ATRNL1: variants seen among roughly 807,000 people sequenced by gnomAD.
ATRNL1 encodes the protein attractin-like protein 1.
Under a neutral mutation model 182.7 loss-of-function variants are expected in ATRNL1, and 95 were observed. That is an observed-to-expected ratio of 0.52 (90% CI 0.44 to 0.62). The LOEUF (loss-of-function observed/expected upper bound fraction) is 0.62. Among genes scored for constraint, ATRNL1 ranks in the 20% least tolerant of loss-of-function variants. The pLI is 0.00. For synonymous variants in ATRNL1, 576 were observed against 568.3 expected, an observed-to-expected ratio of 1.01 and a Z score of -0.19; for missense variants, 1,471 against 1,679.5, an observed-to-expected ratio of 0.88 and a Z score of 2.17.
chr10:115,531,768 C>A (rs569594993), intron 25 of ATRNL1, among the ~76,000 whole-genome samples: 2 of 148,592 alleles, frequency 1.3e-5, no homozygotes, highest in Non-Finnish European at 3.0e-5. Flanking sequence ...TTAGGTCTAA[C>A]GTTTAAGTCT....
At chr10:115,512,269 G>A (rs572530789) in intron 24 of ATRNL1, among the ~76,000 whole-genome samples, 15 of 151,842 alleles carry the variant, frequency 9.9e-5, no homozygotes, top group Admixed American at 5.9e-4. Flanking sequence ...TATTGTTGCC[G>A]TTATTGTCTC....
chr10:115,752,792 A>T (rs1555070939), intron 27 of ATRNL1, among the ~76,000 whole-genome samples: 2 of 152,116 alleles, frequency 1.3e-5, no homozygotes, highest in Admixed American at 1.3e-4. Flanking sequence ...TTTTGTACTT[A>T]TACTGTCCAG....
intron 18 of ATRNL1, among the ~76,000 whole-genome samples, chr10:115,326,785 C>T (rs1458108953): frequency 3.9e-5 from 6 of 152,110 alleles, no homozygotes; most frequent in Non-Finnish European, 5.9e-5. Context: ...CGCTGCACAT[C>T]TACAACTATC....
At chr10:115,299,071 G>A (rs1554923587) in intron 15 of ATRNL1, among the ~76,000 whole-genome samples, 1 of 151,372 alleles carries the variant, frequency 6.6e-6, no homozygotes, top group Non-Finnish European at 1.5e-5. Flanking sequence ...CTCTATCCTG[G>A]TACTCCATAA....
chr10:115,305,124 T>A (rs1241265186), intron 17 of ATRNL1, among the ~76,000 whole-genome samples: 1 of 151,902 alleles, frequency 6.6e-6, no homozygotes, highest in South Asian at 2.1e-4. Context: ...TACTAGTCCT[T>A]CTTGCTCAGA....
intron 26 of ATRNL1, among the ~76,000 whole-genome samples, chr10:115,653,800 C>G (rs1593013935): frequency 6.6e-6 from 1 of 152,170 alleles, no homozygotes; most frequent in Admixed American, 6.6e-5. Flanking sequence ...CAAAACAATC[C>G]TGCACAGTGC....
intron 27 of ATRNL1, among the ~76,000 whole-genome samples, chr10:115,824,408 A>C (rs1950377015): frequency 6.6e-6 from 1 of 152,236 alleles, no homozygotes; most frequent in East Asian, 1.9e-4. Context: ...CAATGGCAAC[A>C]AAAACCAAAA....
chr10:115,540,588 C>T (rs926571079), intron 25 of ATRNL1, among the ~76,000 whole-genome samples: 13 of 151,830 alleles, frequency 8.6e-5, no homozygotes, highest in Non-Finnish European at 1.3e-4. Context: ...AGTGAAACCC[C>T]ATCTCTACTA....
chr10:115,354,211 G>T (rs1473745580), intron 19 of ATRNL1, among the ~76,000 whole-genome samples: 1 of 152,068 alleles, frequency 6.6e-6, no homozygotes, highest in Non-Finnish European at 1.5e-5. Context: ...TTCTTCTAAT[G>T]TTGGACTCTT....
intron 1 of ATRNL1, among the ~76,000 whole-genome samples, chr10:115,107,606 C>G (rs1210225506): frequency 2.6e-5 from 4 of 152,192 alleles, no homozygotes; most frequent in Non-Finnish European, 5.9e-5. Context: ...GTCTCAGAGG[C>G]AGCCCTGCTC....
At chr10:115,657,688 C>T (rs190162603) in intron 26 of ATRNL1, among the ~76,000 whole-genome samples, 157 of 152,162 alleles carry the variant, frequency 1.0e-3, no homozygotes, top group Non-Finnish European at 1.9e-3. Flanking sequence ...CAGCTGTTTC[C>T]CCATTCATTG....
chr10:115,432,358 G>A (rs968818409), intron 21 of ATRNL1, among the ~76,000 whole-genome samples: 9 of 152,188 alleles, frequency 5.9e-5, no homozygotes, highest in African/African-American at 1.7e-4. Flanking sequence ...GGATCCCTGC[G>A]TTCTTTTAGA....
intron 13 of ATRNL1, among the ~76,000 whole-genome samples, chr10:115,275,618 C>G (rs987298148): frequency 1.3e-5 from 2 of 152,128 alleles, no homozygotes; most frequent in African/African-American, 2.4e-5. Flanking sequence ...ATTCCTGTTG[C>G]ATTTATGTTT....
rs191547458 is a variant in ATRNL1 at position 115,675,685 on chromosome 10, G to A, written c.3796-51563G>A. 1.3e-3 allele frequency among the ~76,000 whole-genome samples: 202 copies of A among 152,024 alleles called. 1 individual carries two copies. The highest frequency in any genetic ancestry group is 4.6e-3 in the African/African-American group (191 of 41,504). ...GCAAAAGGCCATAGGACTTCTACTC[G>A]GGTACCCACTGTGGTTACATACCTG... On this transcript the variant is annotated intron_variant, in intron 26 of 28. Coordinates refer to ENST00000355044, the MANE Select transcript of ATRNL1 (RefSeq NM_207303.4).
At chr10:115,587,962 A>G (rs1555010787) in intron 26 of ATRNL1, among the ~76,000 whole-genome samples, 1 of 152,194 alleles carries the variant, frequency 6.6e-6, no homozygotes, top group Non-Finnish European at 1.5e-5. Context: ...AAAAGGAGAA[A>G]GAAATAAGAA....
chr10:115,854,796 G>A (rs1487511802), intron 28 of ATRNL1, among the ~76,000 whole-genome samples: 1 of 152,182 alleles, frequency 6.6e-6, no homozygotes, highest in African/African-American at 2.4e-5. Flanking sequence ...TAATCGTGAA[G>A]TTCTATAGAT....
intron 19 of ATRNL1, among the ~76,000 whole-genome samples, chr10:115,378,550 G>A (rs1231100990): frequency 6.6e-6 from 1 of 152,178 alleles, no homozygotes; most frequent in South Asian, 2.1e-4. Flanking sequence ...AGTCTGACAA[G>A]CTTCTCACAG....
intron 27 of ATRNL1, among the ~76,000 whole-genome samples, chr10:115,788,576 G>A (rs1949450973): frequency 6.6e-6 from 1 of 152,156 alleles, no homozygotes. Flanking sequence ...TTTTGTGGGG[G>A]CAAGGAGATA....
intron 5 of ATRNL1, among the ~76,000 whole-genome samples, chr10:115,139,630 A>C (rs1845676202): frequency 6.6e-6 from 1 of 152,178 alleles, no homozygotes; most frequent in South Asian, 2.1e-4. Flanking sequence ...CCCTTCCATA[A>C]CGTGGGAATT....
Sources: allele counts gnomAD v4.1 joint callset (sites outside exome capture counted in the v4.1 genomes callset), GRCh38; gene constraint gnomAD v4.1.1; transcripts MANE v1.5; gene names NCBI Gene and HGNC (gene_info 2026-07-23, HGNC 2026-07-21).